Variants in PLCXD3 observed in about 807,000 individuals in gnomAD.
PLCXD3 encodes the protein phosphatidylinositol specific phospholipase C X domain containing 3, also known as PI-PLC X domain-containing protein 3.
A neutral mutation model predicts 25.5 loss-of-function variants in PLCXD3; 19 were observed. That is an observed-to-expected ratio of 0.75 (90% confidence interval 0.52 to 1.09). PLCXD3 has a LOEUF of 1.09. Among genes scored for constraint, PLCXD3 ranks in the 50% least tolerant of loss-of-function variants. The pLI is 0.00. For synonymous variants in PLCXD3, 174 were observed against 137.6 expected, an observed-to-expected ratio of 1.26 and a Z score of -1.85; for missense variants, 411 against 388.1, an observed-to-expected ratio of 1.06 and a Z score of -0.50.
At chr5:41,453,355 CTTT>C (rs1167250089) in intron 1 of PLCXD3, among the ~76,000 whole-genome samples, 2 of 144,208 alleles carry the variant, frequency 1.4e-5, no homozygotes. Context: ...CATTCTCTGT[CTTT>C]TTTTTTTTTT....
chr5:41,316,367 C>A (rs951877700), intron 2 of PLCXD3, among the ~76,000 whole-genome samples: 4 of 152,186 alleles, frequency 2.6e-5, no homozygotes, highest in Admixed American at 1.3e-4. Context: ...TATCCAGGTA[C>A]TACATCTTGG....
chr5:41,493,347 G>C (rs576827732), intron 1 of PLCXD3, among the ~76,000 whole-genome samples: 70 of 152,332 alleles, frequency 4.6e-4, no homozygotes, highest in Non-Finnish European at 9.7e-4. Context: ...CCCTACTGGG[G>C]GGTGCCTCCC....
chr5:41,443,120 A>G (rs1488537303), intron 1 of PLCXD3, among the ~76,000 whole-genome samples: 1 of 149,684 alleles, frequency 6.7e-6, no homozygotes, highest in Non-Finnish European at 1.5e-5. Flanking sequence ...TATGTATATA[A>G]TTCATATATA....
chr5:41,483,945 A>G (rs543814864), intron 1 of PLCXD3, among the ~76,000 whole-genome samples: 2 of 152,226 alleles, frequency 1.3e-5, no homozygotes, highest in South Asian at 2.1e-4. Flanking sequence ...GTATTCTCAT[A>G]CATATTTTTA....
chr5:41,333,008 C>T (rs1020351482), intron 2 of PLCXD3, among the ~76,000 whole-genome samples: 15 of 152,020 alleles, frequency 9.9e-5, no homozygotes, highest in South Asian at 2.1e-4. Context: ...GACGAGTTAA[C>T]GGGTGCAGCA....
chr5:41,441,764 C>T (rs1747390147), intron 1 of PLCXD3, among the ~76,000 whole-genome samples: 1 of 152,120 alleles, frequency 6.6e-6, no homozygotes, highest in African/African-American at 2.4e-5. Flanking sequence ...GGGATTATCC[C>T]AACTCTGTGT....
In PLCXD3 at chr5:41,449,587, G is replaced by A. The variant is rs149402073; in HGVS notation, c.103+60837C>T. On this transcript the variant is annotated intron_variant, in intron 1 of 2. Transcript: ENST00000377801. ...AAAAGGACCATAGAGGAGGTGGGCA[G>A]TGAGATAGGGAAGGGAAAAAGCCAG... Among the ~76,000 whole-genome samples the A allele has an allele frequency of 1.8e-3, 275 of 152,270 alleles. 2 individuals are homozygous for A. The highest frequency in any genetic ancestry group is 6.4e-3 in the African/African-American group (266 of 41,556).
At chr5:41,430,922 C>T (rs1281082535) in intron 1 of PLCXD3, among the ~76,000 whole-genome samples, 1 of 152,192 alleles carries the variant, frequency 6.6e-6, no homozygotes, top group Non-Finnish European at 1.5e-5. Context: ...CCATCTGCTG[C>T]TTAACCAAAC....
At chr5:41,467,411 T>G (rs778208092) in intron 1 of PLCXD3, among the ~76,000 whole-genome samples, 4 of 152,194 alleles carry the variant, frequency 2.6e-5, no homozygotes, top group Non-Finnish European at 5.9e-5. Context: ...TTTGTTTTCT[T>G]GCTATTGAGT....
rs1743201218 is a variant in PLCXD3, at chr5:41,313,517, A to G, written c.*100T>C. 6 of 1,448,818 alleles carry G rather than the reference A, an allele frequency of 4.1e-6. No homozygotes were observed. Among genetic ancestry groups the G allele is most frequent in the Non-Finnish European group, 5.8e-6 (6 of 1,041,810 alleles). 89.7% of individuals were successfully genotyped at this position (1,448,818 alleles called of 1,614,324 possible). ...ACCCACTACCAGCCCTATTCCCTTC[A>G]GAGACTCAGTGGAATAGGAAGATCA... On this transcript the variant is annotated 3_prime_UTR_variant, in exon 3 of 3. Transcript: ENST00000377801.
intron 1 of PLCXD3, among the ~76,000 whole-genome samples, chr5:41,501,590 G>A (rs1748951825): frequency 6.6e-6 from 1 of 151,962 alleles, no homozygotes; most frequent in Admixed American, 6.6e-5. Context: ...AGTCATGCAA[G>A]ATGAAAAAGT....
chr5:41,330,301 G>A (rs189902836), intron 2 of PLCXD3, among the ~76,000 whole-genome samples: 294 of 152,298 alleles, frequency 1.9e-3, no homozygotes, highest in African/African-American at 6.9e-3. Context: ...ACTACCATCA[G>A]AGAACACTAC....
chr5:41,341,488 T>C (rs1475038025), intron 2 of PLCXD3, among the ~76,000 whole-genome samples: 1 of 152,200 alleles, frequency 6.6e-6, no homozygotes, highest in Non-Finnish European at 1.5e-5. Flanking sequence ...AATTTCAAAG[T>C]GCCCTACAAA....
intron 1 of PLCXD3, among the ~76,000 whole-genome samples, chr5:41,481,945 C>T (rs887998812): frequency 6.6e-6 from 1 of 152,076 alleles, no homozygotes. Flanking sequence ...ATTCAGAGCC[C>T]AAGCCACAAG....
intron 2 of PLCXD3, among the ~76,000 whole-genome samples, chr5:41,329,904 CT>C (rs1010159366): frequency 6.6e-6 from 1 of 150,522 alleles, no homozygotes; most frequent in African/African-American, 2.4e-5. Context: ...ATGTCAAATT[CT>C]TTTTTAAGTA....
intron 1 of PLCXD3, among the ~76,000 whole-genome samples, chr5:41,394,849 AAGAT>A (rs1745948282): frequency 6.6e-6 from 1 of 152,178 alleles, no homozygotes; most frequent in Non-Finnish European, 1.5e-5. Flanking sequence ...GAGCTAAAGA[AAGAT>A]ATAGGCCCCA....
chr5:41,375,853 A>G (rs1745278894), intron 2 of PLCXD3, among the ~76,000 whole-genome samples: 1 of 152,132 alleles, frequency 6.6e-6, no homozygotes, highest in Admixed American at 6.6e-5. Context: ...AGTCAAACAA[A>G]CCCATGTAAT....
intron 2 of PLCXD3, among the ~76,000 whole-genome samples, chr5:41,353,160 T>G (rs7733634): frequency 0.01 from 1,572 of 150,730 alleles, 40 homozygotes; most frequent in African/African-American, 0.036. Context: ...TGGCGCGATC[T>G]CCGCTCACTG....
intron 1 of PLCXD3, among the ~76,000 whole-genome samples, chr5:41,485,894 T>C (rs2150523965): frequency 6.6e-6 from 1 of 152,320 alleles, no homozygotes; most frequent in South Asian, 2.1e-4. Flanking sequence ...TTCCAAATTT[T>C]TTTTAGTATG....
Sources: allele counts gnomAD v4.1 joint callset (sites outside exome capture counted in the v4.1 genomes callset), GRCh38; gene constraint gnomAD v4.1.1; transcripts MANE v1.5; gene names NCBI Gene and HGNC (gene_info 2026-07-23, HGNC 2026-07-21).